Variants in NEK8 observed in about 807,000 individuals in gnomAD.
NEK8 encodes serine/threonine-protein kinase Nek8.
NEK8 carries 51 observed loss-of-function variants against 77.2 expected under a neutral mutation model. The ratio of observed to expected loss-of-function variants is 0.66; its 90% CI spans 0.53 to 0.83. The LOEUF (loss-of-function observed/expected upper bound fraction) is 0.83, where lower values mean the gene tolerates loss of function less well. Ranked by LOEUF, NEK8 falls within the 40% of genes least tolerant of loss-of-function variation. The pLI, the probability that NEK8 is intolerant of heterozygous loss-of-function variation, is 0.00. For synonymous variants in NEK8, 365 were observed against 363.2 expected (o/e 1.00, Z -0.06); for missense variants, 787 against 909.2 (o/e 0.87, Z 1.73).
chr17:28,734,936 C>A lies in NEK8; in HGVS notation c.418C>A (p.Arg140Ser), dbSNP rs757554273. 3.7e-6 allele frequency: 6 copies of A among 1,613,702 alleles called. No individual in the cohort carries two copies. In the South Asian group the frequency reaches 5.5e-5, roughly 15 times the overall value. Residue 140 changes from arginine to serine, a missense_variant, in exon 3 of 15, where the codon CGC becomes AGC. Transcript: ENST00000268766. The stretch of plus-strand genomic sequence containing the variant: ...CCAGAACATCCTGCTTGACAAACAC[C>A]GCATGGTCGTCAAGATCGGTGATTT... ...KTQNILLDKH[R>S]MVVKIGDFGI...
At chr17:28,729,004 T>TC in intron 1 of NEK8, 144 bp downstream of exon 1, 1 of 753,952 alleles carries the variant, frequency 1.3e-6, no homozygotes, top group Non-Finnish European at 2.2e-6. Flanking sequence ...CCGGTCCCAG[T>TC]CCCCCGGGGA....
rs1443856330 is a variant in NEK8 at position 28,738,210 on chromosome 17, T to TG, written c.1189dup (p.Ala397GlyfsTer12). ...CAGTCGGGTGTGACCATCAAGCACGTGGCCTGTGGGGACTTCTTCACTGCC... is the reference window on the plus strand; with the variant it reads ...CAGTCGGGTGTGACCATCAAGCACGTGGGCCTGTGGGGACTTCTTCACTGCC... On this transcript the variant is annotated frameshift_variant, in exon 8 of 15. Coordinates refer to ENST00000268766, the MANE Select transcript of NEK8 (RefSeq NM_178170.3). LOFTEE classifies it high-confidence loss of function. The TG allele has an allele frequency of 6.2e-7, 1 of 1,614,040 alleles. No individual in the cohort carries two copies. Among genetic ancestry groups the TG allele is most frequent in the African/African-American group, 1.3e-5 (1 of 74,922 alleles).
At chr17:28,739,427 A>C (rs1377899602) in intron 10 of NEK8, among the ~76,000 whole-genome samples, 2 of 152,162 alleles carry the variant, frequency 1.3e-5, no homozygotes, top group Non-Finnish European at 2.9e-5. Flanking sequence ...TGAGGTAATG[A>C]AGGAAATTTC....
intron 1 of NEK8, among the ~76,000 whole-genome samples, chr17:28,731,276 A>G (rs985752026): frequency 4.5e-4 from 68 of 152,050 alleles, no homozygotes; most frequent in Non-Finnish European, 1.9e-4. Context: ...CGTGGGGGTC[A>G]TGCCTGTAAT....
rs755820155 is a variant in NEK8, at chr17:28,741,977, T to TC, written c.2076dup (p.Ter693LeufsTer86). 10 of 1,613,614 alleles carry TC rather than the reference T, an allele frequency of 6.2e-6. No individual in the cohort carries two copies. The highest frequency in any genetic ancestry group is 1.7e-5 in the Admixed American group (1 of 59,970). On this transcript the variant is annotated frameshift_variant, in exon 15 of 15. Transcript: ENST00000268766. LOFTEE classifies it high-confidence loss of function. The surrounding 1 kb of genome is among the most constrained non-coding windows in gnomAD (Gnocchi z 4.5). ...CCTCCAGCGGTCACAGATGAGCCGG[T>TC]CCCCCCCTGAGGCACCCGGATTCAC...
At chr17:28,736,544 A>G (rs2034367161) in intron 4 of NEK8, among the ~76,000 whole-genome samples, 1 of 152,090 alleles carries the variant, frequency 6.6e-6, no homozygotes, top group African/African-American at 2.4e-5. Flanking sequence ...GCATTTTTTC[A>G]TGTGTCTTTT....
rs569579579 is a variant in NEK8 at position 28,738,618 on chromosome 17, G to A, written c.1223-53G>A. On this transcript the variant is annotated intron_variant, in intron 8 of 14. Coordinates refer to ENST00000268766, the MANE Select transcript of NEK8 (RefSeq NM_178170.3). ...ACCCACTGGAGGACCGGGCTATCTGGAAAGACTGTTTAACTTCTTTCCCTT... is the reference window on the plus strand; with the variant it reads ...ACCCACTGGAGGACCGGGCTATCTGAAAAGACTGTTTAACTTCTTTCCCTT... 1.9e-6 allele frequency: 3 copies of A among 1,543,018 alleles called. No homozygotes were observed. In the East Asian group the frequency reaches 6.7e-5, roughly 35 times the overall value.
rs765512767 is a variant in NEK8, at chr17:28,734,519, C to CA, written c.254-238dup. On this transcript the variant is annotated intron_variant, in intron 2 of 14. Coordinates refer to ENST00000268766, the MANE Select transcript of NEK8 (RefSeq NM_178170.3). The stretch of plus-strand genomic sequence containing the variant: ...GGAAACCCCGTCTCTACTAAAAATA[C>CA]AAAAAAAAAAAAAAATTAGCCGGGT... 0.051 allele frequency: 24,377 copies of CA among 475,868 alleles called. 11 individuals carry two copies. Among genetic ancestry groups the CA allele is most frequent in the East Asian group, 0.067 (1,792 of 26,776 alleles). The allele number at this position is 475,868 out of a possible 1,614,324, so 29.5% of individuals were successfully genotyped here.
chr17:28,736,140 G>A (rs902596872), intron 4 of NEK8, among the ~76,000 whole-genome samples: 1 of 152,192 alleles, frequency 6.6e-6, no homozygotes, highest in Non-Finnish European at 1.5e-5. Flanking sequence ...TTTCCATGGT[G>A]TGTATGTGCC....
chr17:28,735,231 A>G lies in NEK8; in HGVS notation c.487-9A>G, dbSNP rs370732749. 3.1e-6 allele frequency: 5 copies of G among 1,613,854 alleles called. No homozygotes were observed. The African/African-American group carries it at 5.3e-5, about 17-fold the overall frequency. On this transcript the variant is annotated splice_polypyrimidine_tract_variant and intron_variant, in intron 3 of 14. Transcript: ENST00000268766. ...CTGCAGGGCTGTGATCCCAGCTTCTATCCTGCAGGTGGTGGGTACCCCATG... is the reference window on the plus strand; with the variant it reads ...CTGCAGGGCTGTGATCCCAGCTTCTGTCCTGCAGGTGGTGGGTACCCCATG...
chr17:28,735,921 T>C (rs1412092408), intron 4 of NEK8, among the ~76,000 whole-genome samples: 1 of 133,550 alleles, frequency 7.5e-6, no homozygotes, highest in Admixed American at 7.4e-5. Context: ...TGCTATCCCT[T>C]CCCCCTCCCC....
rs1196832463 is a variant in NEK8 at position 28,741,876 on chromosome 17, C to G, written c.2051-83C>G. 5 of 1,428,966 alleles carry G rather than the reference C, an allele frequency of 3.5e-6. No individual in the cohort carries two copies. Among genetic ancestry groups the G allele is most frequent in the Non-Finnish European group, 4.9e-6 (5 of 1,010,890 alleles). 88.5% of individuals were successfully genotyped at this position (1,428,966 alleles called of 1,614,324 possible). On this transcript the variant is annotated intron_variant, in intron 14 of 14. Coordinates refer to ENST00000268766, the MANE Select transcript of NEK8 (RefSeq NM_178170.3). This position sits in a 1 kb window ranked among gnomAD's most constrained non-coding sequence, Gnocchi z 4.5. ...GCCTAACAGGGTCCAGAATCCAGGG[C>G]CCAGTGGGAGTGGGAGGTGGGTGAT...
rs1567759457 is a variant in NEK8 at position 28,734,769 on chromosome 17, C to T, written c.254-3C>T. On this transcript the variant is annotated splice_polypyrimidine_tract_variant and splice_region_variant and intron_variant, in intron 2 of 14. Transcript: ENST00000268766. ...GGATCTTGATTAGTCCCTTGGGCCA[C>T]AGGCGGCACTCTGGCTGAGTTCATC... 2 of 1,608,804 alleles carry T rather than the reference C, an allele frequency of 1.2e-6. No individual in the cohort carries two copies. The highest frequency in any genetic ancestry group is 2.2e-5 in the South Asian group (2 of 90,954).
rs1254838007 is a variant in NEK8 at position 28,728,868 on chromosome 17, AG to A, written c.47+11del. 1.3e-6 allele frequency: 2 copies of A among 1,549,642 alleles called. No homozygotes were observed. Among genetic ancestry groups the A allele is most frequent in the Admixed American group, 3.9e-5 (2 of 51,028 alleles). ...GGGGAGAGGTGCCTTCGGGTGAGCC[AG>A]GGCTCTGGGGGAGGAAACTGCTAGG... is the stretch of plus-strand genomic sequence containing the variant. On this transcript the variant is annotated intron_variant, in intron 1 of 14. Transcript: ENST00000268766.
intron 1 of NEK8, among the ~76,000 whole-genome samples, chr17:28,730,824 G>T (rs2034299554): frequency 1.3e-5 from 2 of 152,226 alleles, no homozygotes; most frequent in South Asian, 4.1e-4. Context: ...TCAGGAGGCT[G>T]AGGTGGGAGG....
At position 28,737,716 on chromosome 17, in the gene NEK8, C is replaced by T. The variant is rs763926909; in HGVS notation, c.869C>T (p.Thr290Ile). The T allele has an allele frequency of 6.8e-6, 11 of 1,614,018 alleles. No individual in the cohort carries two copies. Among genetic ancestry groups the T allele is most frequent in the East Asian group, 6.7e-5 (3 of 44,898 alleles). ...GCCCCCAGCAACACAGGGAGCAGGA[C>T]CACCAGTGTCCGCTGCAGAGGTAAG... is the stretch of plus-strand genomic sequence containing the variant. ...SVAPSNTGSR[T>I]TSVRCRGIPR... Residue 290 changes from threonine (T) to isoleucine (I), a missense_variant, in exon 6 of 15, where the codon ACC (threonine) becomes ATC (isoleucine). Transcript: ENST00000268766. The surrounding 1 kb of genome is among the most constrained non-coding windows in gnomAD (Gnocchi z 4.8).
chr17:28,734,267 C>A, intron 2 of NEK8, 79 bp downstream of exon 2: 1 of 1,314,570 alleles, frequency 7.6e-7, no homozygotes, highest in Non-Finnish European at 1.1e-6. Flanking sequence ...TCCTGGCTTC[C>A]CTCCTTGGAA....
rs762826555 is a variant in NEK8, at chr17:28,739,185, G to A, written c.1401G>A (p.Trp467Ter). The stretch of plus-strand genomic sequence containing the variant: ...CCACTGAGCGAGAACTATTTGCCTG[G>A]GGCCGTGGAGACAGCGGTAAGCTCC... ...ALSTERELFA[W>*]GRGDSGRLGL... Residue 467 changes from tryptophan (W) to a stop codon, truncating the protein, a stop_gained, in exon 10 of 15, where the codon TGG becomes TGA. Transcript: ENST00000268766. LOFTEE classifies it high-confidence loss of function. 1.2e-6 allele frequency: 2 copies of A among 1,613,460 alleles called. No individual in the cohort carries two copies. The highest frequency in any genetic ancestry group is 1.7e-6 in the Non-Finnish European group (2 of 1,179,364).
At chr17:28,734,535 T>C (rs988165934) in intron 2 of NEK8, 1 of 542,636 alleles carries the variant, frequency 1.8e-6, no homozygotes, top group African/African-American at 1.9e-5. Flanking sequence ...AAAAAAAAAA[T>C]TAGCCGGGTG....
Sources: gnomAD v4.1 joint callset for allele counts (sites outside exome capture counted in the v4.1 genomes callset) on GRCh38, gnomAD v4.1.1 for gene constraint, Gnocchi (gnomAD v3.1) non-coding constraint, MANE v1.5 for transcripts, NCBI Gene and HGNC (gene_info 2026-07-23, HGNC 2026-07-21) for gene names.